Variants in RGS6 observed in about 807,000 individuals in gnomAD.
RGS6 encodes the protein regulator of G-protein signaling 6.
RGS6 carries 30 observed loss-of-function variants against 78.5 expected under a neutral mutation model. That is an observed-to-expected ratio of 0.38 (90% confidence interval 0.29 to 0.52). The LOEUF (loss-of-function observed/expected upper bound fraction) is 0.52, where lower values mean the gene tolerates loss of function less well. RGS6 is among the 20% of genes least tolerant of loss of function. RGS6 has a pLI of 0.85. For synonymous variants in RGS6, 206 were observed against 206.0 expected (o/e 1.00, Z 0.00); for missense variants, 495 against 609.7 (o/e 0.81, Z 1.98).
At chr14:72,162,185 GA>G (rs35368825) in intron 2 of RGS6, among the ~76,000 whole-genome samples, 136,443 of 150,228 alleles carry the variant, frequency 0.91, 62,073 homozygotes, top group Middle Eastern at 0.98. Flanking sequence ...TAGTACAGCA[GA>G]AAAAAAAAAA....
chr14:72,034,467 A>C (rs2091391233), intron 2 of RGS6, among the ~76,000 whole-genome samples: 1 of 151,456 alleles, frequency 6.6e-6, no homozygotes, highest in Admixed American at 6.6e-5. Flanking sequence ...GTGGTATATC[A>C]CATTGATTGA....
At position 72,446,518 on chromosome 14, in the gene RGS6, T is replaced by C. The variant is rs531138613; in HGVS notation, c.185-8010T>C. 7.2e-5 allele frequency among the ~76,000 whole-genome samples: 11 copies of C among 152,348 alleles called. No individual in the cohort carries two copies. In the East Asian group the frequency reaches 2.1e-3, roughly 29 times the overall value. On this transcript the variant is annotated intron_variant, in intron 3 of 17. Transcript: ENST00000553525. ...TGTGTCAGAGTCAGCTAGAGCTGTG[T>C]TCCCCAGCCTTTTTGGCACCAGGGA...
the RGS6 span, among the ~76,000 whole-genome samples, chr14:71,898,446 T>A: frequency 6.6e-6 from 1 of 152,226 alleles, no homozygotes; most frequent in Non-Finnish European, 1.5e-5. Flanking sequence ...GGAAGTCCAA[T>A]GGAATTATCA....
intron 2 of RGS6, among the ~76,000 whole-genome samples, chr14:72,269,567 ATTTTTTTTTT>A (rs56171281): frequency 8.3e-6 from 1 of 120,334 alleles, no homozygotes; most frequent in Non-Finnish European, 1.7e-5. Flanking sequence ...CCTATCTTAA[ATTTTTTTTTT>A]TTTTTTTTTT....
At chr14:72,260,019 C>A (rs1351282601) in intron 2 of RGS6, among the ~76,000 whole-genome samples, 1 of 151,892 alleles carries the variant, frequency 6.6e-6, no homozygotes, top group East Asian at 1.9e-4. Context: ...CCAGAGTATC[C>A]ATTCCAATTG....
chr14:72,147,512 A>T (rs1158262023), intron 2 of RGS6, among the ~76,000 whole-genome samples: 1 of 152,244 alleles, frequency 6.6e-6, no homozygotes, highest in Non-Finnish European at 1.5e-5. Context: ...TGCAATAATG[A>T]CATTAATCTA....
intron 3 of RGS6, among the ~76,000 whole-genome samples, chr14:72,452,100 C>G (rs2095509742): frequency 6.6e-6 from 1 of 152,136 alleles, no homozygotes; most frequent in Non-Finnish European, 1.5e-5. Flanking sequence ...CTCTCCCACC[C>G]CCAGCTTGGG....
chr14:72,130,672 A>G (rs1022563827), intron 2 of RGS6, among the ~76,000 whole-genome samples: 8 of 152,212 alleles, frequency 5.3e-5, no homozygotes, highest in Admixed American at 4.6e-4. Flanking sequence ...ATGTGTGGCC[A>G]TCTTTAATCT....
chr14:71,912,053 C>T, the RGS6 span, among the ~76,000 whole-genome samples: 15 of 152,224 alleles, frequency 9.9e-5, no homozygotes, highest in Admixed American at 7.8e-4. Context: ...CAAAGCATCC[C>T]GTAAGCAGCC....
At chr14:72,096,041 G>C (rs1193829243) in intron 2 of RGS6, among the ~76,000 whole-genome samples, 1 of 152,180 alleles carries the variant, frequency 6.6e-6, no homozygotes, top group Non-Finnish European at 1.5e-5. Context: ...GGCCGAGGCA[G>C]GTGGATCACT....
chr14:72,273,715 C>T (rs1212261673), intron 2 of RGS6, among the ~76,000 whole-genome samples: 5 of 152,132 alleles, frequency 3.3e-5, no homozygotes, highest in African/African-American at 4.8e-5. Context: ...TGAAAGAATA[C>T]CTAGGAATTG....
At chr14:72,384,007 A>G (rs145835447) in intron 3 of RGS6, among the ~76,000 whole-genome samples, 1 of 152,328 alleles carries the variant, frequency 6.6e-6, no homozygotes, top group East Asian at 1.9e-4. Context: ...TCAGCATATT[A>G]TATTCTACAT....
intron 3 of RGS6, among the ~76,000 whole-genome samples, chr14:72,418,774 A>G (rs960176178): frequency 1.3e-5 from 2 of 152,220 alleles, no homozygotes; most frequent in Non-Finnish European, 2.9e-5. Flanking sequence ...ATAAAAAGAC[A>G]AATCTGCTGA....
the RGS6 span, among the ~76,000 whole-genome samples, chr14:71,889,897 C>CCT: frequency 6.6e-6 from 1 of 151,342 alleles, no homozygotes; most frequent in African/African-American, 2.4e-5. Context: ...TGTAGCACCT[C>CCT]CTCTCTCTCT....
chr14:72,471,379 GGAT>G (rs1318285906), intron 8 of RGS6, among the ~76,000 whole-genome samples: 5 of 152,182 alleles, frequency 3.3e-5, no homozygotes, highest in Admixed American at 3.3e-4. Flanking sequence ...TCCCTCCCAG[GGAT>G]GATGTCTAGG....
At chr14:72,569,447 A>AGGTGGGCGGGTCACC (rs1188753194), downstream of RGS6, among the ~76,000 whole-genome samples, 1 of 152,096 alleles carries the variant, frequency 6.6e-6, no homozygotes, top group African/African-American at 2.4e-5. Context: ...TGGGAGGCCG[A>AGGTGGGCGGGTCACC]GGTGGGCGGG....
chr14:72,246,158 G>A lies in RGS6; in HGVS notation c.85-105937G>A, dbSNP rs529660856. 3.9e-5 allele frequency among the ~76,000 whole-genome samples: 6 copies of A among 152,252 alleles called. No homozygotes were observed. The South Asian group carries it at 8.3e-4, about 21-fold the overall frequency. On this transcript the variant is annotated intron_variant, in intron 2 of 17. Transcript: ENST00000553525. Reference sequence around the variant, plus strand: ...GTAAGTTACAAACAATTGCTATAACGATTGTTGACCCACTGGCTTCCTACA... The same window carrying A: ...GTAAGTTACAAACAATTGCTATAACAATTGTTGACCCACTGGCTTCCTACA...
At chr14:72,559,951 C>G (rs1372391960) in intron 17 of RGS6, among the ~76,000 whole-genome samples, 2 of 152,100 alleles carry the variant, frequency 1.3e-5, no homozygotes, top group African/African-American at 4.8e-5. Flanking sequence ...AATCTCCAAC[C>G]TCCCTCAACC....
intron 10 of RGS6, among the ~76,000 whole-genome samples, chr14:72,475,458 C>T (rs937199531): frequency 2.0e-5 from 3 of 152,030 alleles, no homozygotes; most frequent in Non-Finnish European, 2.9e-5. Flanking sequence ...GGGCCAGGTA[C>T]GGTGGCTCAC....
Sources: gnomAD v4.1 joint callset for allele counts (sites outside exome capture counted in the v4.1 genomes callset) on GRCh38, gnomAD v4.1.1 for gene constraint, MANE v1.5 for transcripts, NCBI Gene and HGNC (gene_info 2026-07-23, HGNC 2026-07-21) for gene names.